The following CACNA1G variants were observed in gnomAD, a reference collection of about 807,000 sequenced individuals.
CACNA1G encodes calcium voltage-gated channel subunit alpha1 G, also known as voltage-dependent T-type calcium channel subunit alpha-1G.
In CACNA1G, 67 loss-of-function variants were observed where a neutral mutation model predicts 219.4. The ratio of observed to expected loss-of-function variants is 0.31; its 90% CI spans 0.25 to 0.37. CACNA1G has a LOEUF of 0.37. Ranked by LOEUF, CACNA1G falls within the 10% of genes least tolerant of loss-of-function variation. The pLI, the probability that CACNA1G is intolerant of heterozygous loss-of-function variation, is 1.00. For missense variants in CACNA1G, 2,380 were observed against 3,231.4 expected (o/e 0.74, Z 6.39); for synonymous variants, 1,296 against 1,345.3 (o/e 0.96, Z 0.80).
chr17:50,608,141 A>AC, intron 25 of CACNA1G, 122 bp downstream of exon 25: 2 of 820,900 alleles, frequency 2.4e-6, no homozygotes, highest in Non-Finnish European at 1.9e-6. Context: ...AGAGGCTCCC[A>AC]CCCCCCTCCT....
Position 50,624,020 on chromosome 17 carries a change from C to T in CACNA1G, c.6174C>T (p.Ser2058=). Reference sequence around the variant, plus strand: ...ACAGCTACATGTGTCGGCATGGGAGCACTGCCGAGGGGCCCCTGGGACACA... The same window carrying T: ...ACAGCTACATGTGTCGGCATGGGAGTACTGCCGAGGGGCCCCTGGGACACA... ...PNDSYMCRHG[S]TAEGPLGHRG... The change falls in exon 36 of 38, where the codon AGC becomes AGT. Residue 2058 remains serine (S), a synonymous_variant. Coordinates refer to ENST00000359106, the MANE Select transcript of CACNA1G (RefSeq NM_018896.5). 6.2e-7 allele frequency: 1 copy of T among 1,613,154 alleles called. No homozygotes were observed. Among genetic ancestry groups the T allele is most frequent in the Non-Finnish European group, 8.5e-7 (1 of 1,179,826 alleles).
At chr17:50,623,764 T>G in intron 35 of CACNA1G, 143 bp from the exon 36 acceptor site, 1 of 779,804 alleles carries the variant, frequency 1.3e-6, no homozygotes. Flanking sequence ...GCCATGCTCA[T>G]GCCCATCTCT....
intron 9 of CACNA1G, among the ~76,000 whole-genome samples, chr17:50,584,168 G>A (rs1474394565): frequency 6.6e-6 from 1 of 152,148 alleles, no homozygotes; most frequent in East Asian, 1.9e-4. Context: ...ATCCCAGGAG[G>A]GAGATCAGGC....
Position 50,561,416 on chromosome 17 carries a change from G to T in CACNA1G, c.-44G>T. On this transcript the variant is annotated 5_prime_UTR_variant, in exon 1 of 38. Transcript: ENST00000359106. ...GAGGACACCTCCTCTGAGGGGCGCC[G>T]CTTGCCCCTCTCCGGATCGCCCGGG... 2 of 1,532,906 alleles carry T rather than the reference G, an allele frequency of 1.3e-6. No homozygotes were observed. Among genetic ancestry groups the T allele is most frequent in the Non-Finnish European group, 1.7e-6 (2 of 1,146,290 alleles). 95.0% of individuals were successfully genotyped at this position (1,532,906 alleles called of 1,614,324 possible).
At chr17:50,614,657 A>G (rs764336103) in intron 26 of CACNA1G, among the ~76,000 whole-genome samples, 26 of 152,182 alleles carry the variant, frequency 1.7e-4, no homozygotes, top group Non-Finnish European at 2.9e-4. Context: ...GGCTGCCCAA[A>G]CACCCAGGAG....
intron 7 of CACNA1G, among the ~76,000 whole-genome samples, chr17:50,573,845 A>G (rs1039932397): frequency 1.2e-4 from 19 of 152,216 alleles, no homozygotes. Flanking sequence ...CTTTGAGCTA[A>G]TATTTATTGA....
chr17:50,575,125 A>G (rs925074954), intron 7 of CACNA1G, among the ~76,000 whole-genome samples: 1 of 152,220 alleles, frequency 6.6e-6, no homozygotes, highest in Non-Finnish European at 1.5e-5. Flanking sequence ...CATGTCCCTA[A>G]TATTGCGTTC....
chr17:50,590,524 C>T lies in CACNA1G; in HGVS notation c.2355C>T (p.Leu785=), dbSNP rs752123469. 6.2e-7 allele frequency: 1 copy of T among 1,614,012 alleles called. No individual in the cohort carries two copies. Among genetic ancestry groups the T allele is most frequent in the South Asian group, 1.1e-5 (1 of 91,080 alleles). ...LEISNIVFTS[L]FALEMLLKLL... The stretch of plus-strand genomic sequence containing the variant: ...TCAGCAACATCGTCTTCACCAGCCT[C>T]TTTGCCCTGGAGATGCTGCTGAAGC... Residue 785 remains leucine (L), a synonymous_variant, in exon 10 of 38, where the codon CTC becomes CTT. Coordinates refer to ENST00000359106, the MANE Select transcript of CACNA1G (RefSeq NM_018896.5).
intron 7 of CACNA1G, chr17:50,573,695 G>A (rs1435352680): frequency 6.6e-6 from 1 of 152,346 alleles, no homozygotes; most frequent in Non-Finnish European, 1.5e-5. Flanking sequence ...TGATCAATTG[G>A]TGTTAAATGC....
At chr17:50,607,349 A>G in intron 24 of CACNA1G, 1 of 369,358 alleles carries the variant, frequency 2.7e-6, no homozygotes, top group Non-Finnish European at 5.2e-6. Flanking sequence ...TACAAAAAAT[A>G]AAAACAATTA....
At position 50,568,985 on chromosome 17, in the gene CACNA1G, A is replaced by AAT; in HGVS notation, c.354+4_354+5insAT. ...CCAGCGCTGCCGGATCCTGCAGGTG[A>AAT]GTGTGTGTGTGTGTGTGTGTGTGTG... On this transcript the variant is annotated splice_donor_region_variant and intron_variant, in intron 2 of 37. Coordinates refer to ENST00000359106, the MANE Select transcript of CACNA1G (RefSeq NM_018896.5). 1 of 1,181,508 alleles carries AAT rather than the reference A, an allele frequency of 8.5e-7. No homozygotes were observed. Among genetic ancestry groups the AAT allele is most frequent in the African/African-American group, 1.6e-5 (1 of 62,020 alleles). The allele number at this position is 1,181,508 out of a possible 1,614,324, so 73.2% of individuals were successfully genotyped here.
intron 37 of CACNA1G, 29 bp from the exon 38 acceptor site, chr17:50,625,988 T>C: frequency 6.3e-7 from 1 of 1,575,454 alleles, no homozygotes; most frequent in Non-Finnish European, 8.6e-7. Context: ...AGGAGACTGC[T>C]GGGCTGAGCC....
At position 50,578,701 on chromosome 17, in the gene CACNA1G, G is replaced by T; in HGVS notation, c.2301+137G>T. ...CTAGCCCACCTGGCAGGTAGGAGGG[G>T]AGGTGGGTGATGGAGCAATGCATGG... On this transcript the variant is annotated intron_variant, in intron 9 of 37. Transcript: ENST00000359106. This position sits in a 1 kb window ranked among gnomAD's most constrained non-coding sequence, Gnocchi z 4.5. The T allele has an allele frequency of 1.2e-6, 1 of 852,846 alleles. No individual in the cohort carries two copies. The highest frequency in any genetic ancestry group is 1.7e-6 in the Non-Finnish European group (1 of 572,036). The allele number at this position is 852,846 out of a possible 1,614,324, so 52.8% of individuals were successfully genotyped here.
chr17:50,607,373 G>A lies in CACNA1G; in HGVS notation c.4512+384G>A, dbSNP rs1265850692. On this transcript the variant is annotated intron_variant, in intron 24 of 37. Coordinates refer to ENST00000359106, the MANE Select transcript of CACNA1G (RefSeq NM_018896.5). ...TAAAAACAATTAGCCGGGTGTGGTG[G>A]TATCATCTGGAGTCCCAGCTGAGGT... is the stretch of plus-strand genomic sequence containing the variant. The A allele has an allele frequency of 5.3e-5, 19 of 360,844 alleles. No individual in the cohort carries two copies. In the East Asian group the frequency reaches 1.1e-3, roughly 20 times the overall value. The allele number at this position is 360,844 out of a possible 1,614,324, so 22.4% of individuals were successfully genotyped here.
intron 37 of CACNA1G, among the ~76,000 whole-genome samples, chr17:50,625,283 A>G (rs1447165240): frequency 6.6e-6 from 1 of 152,220 alleles, no homozygotes; most frequent in Non-Finnish European, 1.5e-5. Context: ...GCCACAGCCC[A>G]TGCCATGTGT....
rs747347699 is a variant in CACNA1G at position 50,578,277 on chromosome 17, C to T, written c.2014C>T (p.Arg672Trp). The T allele has an allele frequency of 5.8e-5, 93 of 1,612,846 alleles. No homozygotes were observed. Among genetic ancestry groups the T allele is most frequent in the Middle Eastern group, 1.6e-4 (1 of 6,082 alleles). The change falls in exon 9 of 38, where the codon CGG becomes TGG. Residue 672 changes from arginine to tryptophan, a missense_variant. By Grantham distance (101) the Arg-to-Trp change is moderately radical. Transcript: ENST00000359106. The surrounding 1 kb of genome is among the most constrained non-coding windows in gnomAD (Gnocchi z 4.5). ...CGPDSCPYCA[R>W]AGAGEVELAD... Reference sequence around the variant, plus strand: ...TCCAGACAGCTGCCCCTACTGTGCCCGGGCCGGGGCAGGGGAGGTGGAGCT... The same window carrying T: ...TCCAGACAGCTGCCCCTACTGTGCCTGGGCCGGGGCAGGGGAGGTGGAGCT...
intron 26 of CACNA1G, among the ~76,000 whole-genome samples, chr17:50,613,926 G>A (rs1033397063): frequency 2.0e-5 from 3 of 152,106 alleles, no homozygotes; most frequent in Non-Finnish European, 1.5e-5. Context: ...CTCTGTTCTC[G>A]AACAAACAGA....
Position 50,599,761 on chromosome 17 carries a change from G to C in CACNA1G, c.3592G>C (p.Asp1198His). 2 of 1,613,638 alleles carry C rather than the reference G, an allele frequency of 1.2e-6. No homozygotes were observed. Among genetic ancestry groups the C allele is most frequent in the Non-Finnish European group, 1.7e-6 (2 of 1,179,858 alleles). Residue 1198 changes from aspartate (D) to histidine (H), a missense_variant, in exon 17 of 38, where the codon GAC becomes CAC. Asp to His is a moderately conservative substitution (Grantham distance 81). Around this residue, in one of 17 missense-constraint regions of CACNA1G, gnomAD observed 418 missense variants for 434.3 expected, o/e 0.96. Transcript: ENST00000359106. ...CCGAGGGTCTGCTTCTGAGCACCAG[G>C]ACTGCAATGGCAAGTCGGCTTCAGG... ...SGRGSASEHQDCNGKSASGRL... is the reference protein window; with the variant it reads ...SGRGSASEHQHCNGKSASGRL...
intron 37 of CACNA1G, among the ~76,000 whole-genome samples, chr17:50,625,813 T>C (rs2053645431): frequency 6.6e-6 from 1 of 151,850 alleles, no homozygotes; most frequent in African/African-American, 2.4e-5. Flanking sequence ...CAGGGTTTAG[T>C]GGGGAGAGAG....
Sources: gnomAD v4.1 joint callset for allele counts (sites outside exome capture counted in the v4.1 genomes callset) on GRCh38, gnomAD v4.1.1 for gene constraint, gnomAD v4.1.1 regional missense constraint, Gnocchi (gnomAD v3.1) non-coding constraint, MANE v1.5 for transcripts, NCBI Gene and HGNC (gene_info 2026-07-23, HGNC 2026-07-21) for gene names.